Variants in EIF2AK1 observed in about 807,000 individuals in gnomAD.
The protein encoded by EIF2AK1 is eukaryotic translation initiation factor 2 alpha kinase 1.
In EIF2AK1, 54 loss-of-function variants were observed where a neutral mutation model predicts 77.9. That is an observed-to-expected ratio of 0.69 (90% CI 0.56 to 0.87). EIF2AK1 has a LOEUF of 0.87. Among genes scored for constraint, EIF2AK1 ranks in the 40% least tolerant of loss-of-function variants. The pLI is 0.00. For synonymous variants in EIF2AK1, 314 were observed against 290.5 expected, an observed-to-expected ratio of 1.08 and a Z score of -0.82; for missense variants, 810 against 768.6, an observed-to-expected ratio of 1.05 and a Z score of -0.64.
At chr7:6,047,859 G>C (rs1013221181) in intron 4 of EIF2AK1, 1 of 152,260 alleles carries the variant, frequency 6.6e-6, no homozygotes, top group African/African-American at 2.4e-5. Context: ...AGGCAACCTG[G>C]TGGTCCCTTG....
chr7:6,048,780 A>C, intron 4 of EIF2AK1, 27 bp downstream of exon 4: 5 of 1,542,408 alleles, frequency 3.2e-6, no homozygotes, highest in Non-Finnish European at 4.4e-6. Context: ...AATAGTCTGC[A>C]TAATCAAGAA....
intron 8 of EIF2AK1, 34 bp downstream of exon 8, chr7:6,042,899 A>G: frequency 1.3e-6 from 2 of 1,579,286 alleles, no homozygotes; most frequent in African/African-American, 1.3e-5. Flanking sequence ...TGCAGGTGAC[A>G]AGAGGTAATG....
intron 11 of EIF2AK1, among the ~76,000 whole-genome samples, chr7:6,029,835 T>G (rs1244686909): frequency 6.6e-6 from 1 of 151,476 alleles, no homozygotes; most frequent in African/African-American, 2.4e-5. Context: ...ATACAAAAAT[T>G]AGCCAGGTGT....
At chr7:6,030,471 C>T (rs375623856) in intron 11 of EIF2AK1, among the ~76,000 whole-genome samples, 5 of 152,220 alleles carry the variant, frequency 3.3e-5, no homozygotes, top group East Asian at 1.9e-4. Context: ...TGGGTTTGGA[C>T]GGGTGAGCAT....
intron 4 of EIF2AK1, among the ~76,000 whole-genome samples, chr7:6,048,288 G>A (rs936874419): frequency 6.6e-6 from 1 of 152,002 alleles, no homozygotes; most frequent in Non-Finnish European, 1.5e-5. Flanking sequence ...ACGTCTCTAT[G>A]GATTCACCTA....
intron 2 of EIF2AK1, among the ~76,000 whole-genome samples, chr7:6,050,507 T>C (rs1788578603): frequency 6.6e-6 from 1 of 152,080 alleles, no homozygotes; most frequent in South Asian, 2.1e-4. Context: ...TAGATAAATT[T>C]TTTTAAAAAG....
chr7:6,044,340 G>A (rs765811227), intron 7 of EIF2AK1, among the ~76,000 whole-genome samples: 11 of 147,260 alleles, frequency 7.5e-5, no homozygotes, highest in African/African-American at 2.0e-4. Context: ...CCGTGGTGGC[G>A]GGCACCTGTA....
intron 7 of EIF2AK1, among the ~76,000 whole-genome samples, chr7:6,043,380 C>G (rs1166734000): frequency 6.6e-6 from 1 of 151,838 alleles, no homozygotes; most frequent in African/African-American, 2.4e-5. Context: ...TGTTTAAGAA[C>G]AGCATGCACA....
Position 6,040,634 on chromosome 7 carries a change from C to T in EIF2AK1, c.1119+258G>A, listed in dbSNP as rs776042574. Among the ~76,000 whole-genome samples, 7 of 152,128 alleles carry T rather than the reference C, an allele frequency of 4.6e-5. 1 individual carries two copies. On this transcript the variant is annotated intron_variant, in intron 9 of 14. Coordinates refer to ENST00000199389, the MANE Select transcript of EIF2AK1 (RefSeq NM_014413.4). ...ACAAACAGAGTGTGAGTGAGGCCGC[C>T]AACTCTAGGGTACACACTCAAGATG...
chr7:6,042,895 T>A, intron 8 of EIF2AK1, 38 bp downstream of exon 8: 1 of 1,566,074 alleles, frequency 6.4e-7, no homozygotes, highest in South Asian at 1.1e-5. Context: ...CCAATGCAGG[T>A]GACAAGAGGT....
At chr7:6,049,586 A>G (rs1273972668) in intron 3 of EIF2AK1, among the ~76,000 whole-genome samples, 1 of 151,806 alleles carries the variant, frequency 6.6e-6, no homozygotes, top group Admixed American at 6.6e-5. Flanking sequence ...AATTGTCTCA[A>G]GATCCCAGTC....
At chr7:6,052,487 C>T (rs539598948) in intron 2 of EIF2AK1, among the ~76,000 whole-genome samples, 2 of 150,376 alleles carry the variant, frequency 1.3e-5, no homozygotes, top group East Asian at 3.9e-4. Flanking sequence ...TTTTTCATGT[C>T]CCATCAAGTT....
intron 8 of EIF2AK1, among the ~76,000 whole-genome samples, chr7:6,041,839 TAAA>T (rs35008838): frequency 2.3e-5 from 3 of 130,804 alleles, no homozygotes; most frequent in Non-Finnish European, 3.2e-5. Flanking sequence ...AGACTCCATC[TAAA>T]AAAAAAAAAA....
intron 1 of EIF2AK1, among the ~76,000 whole-genome samples, chr7:6,056,611 A>AAAAAAAAAAATAT (rs1788773483): frequency 3.2e-5 from 1 of 31,160 alleles, no homozygotes; most frequent in African/African-American, 1.2e-4. Flanking sequence ...AAAAAAAAAA[A>AAAAAAAAAAATAT]AAATATATAT....
rs538961730 is a variant in EIF2AK1 at position 6,028,902 on chromosome 7, A to G, written c.1447+16T>C. ...TTTGCTTATGCAAAGAAAACAAAAC[A>G]AAACCAAAAACTTACTCTTCCCGTT... is the stretch of plus-strand genomic sequence containing the variant. On this transcript the variant is annotated intron_variant, in intron 12 of 14. Coordinates refer to ENST00000199389, the MANE Select transcript of EIF2AK1 (RefSeq NM_014413.4). 1.3e-6 allele frequency: 2 copies of G among 1,590,264 alleles called. No homozygotes were observed. The highest frequency in any genetic ancestry group is 1.7e-6 in the Non-Finnish European group (2 of 1,172,006).
At chr7:6,048,577 A>G (rs1008697075) in intron 4 of EIF2AK1, among the ~76,000 whole-genome samples, 1 of 152,172 alleles carries the variant, frequency 6.6e-6, no homozygotes, top group Non-Finnish European at 1.5e-5. Context: ...CAGGAATCTG[A>G]ATTAACAGTG....
intron 1 of EIF2AK1, among the ~76,000 whole-genome samples, chr7:6,057,792 C>A (rs1364015699): frequency 6.6e-6 from 1 of 152,024 alleles, no homozygotes; most frequent in African/African-American, 2.4e-5. Flanking sequence ...CCACCACGCC[C>A]AGCTAATTTG....
chr7:6,029,131 C>G (rs914578617), intron 11 of EIF2AK1, 99 bp from the exon 12 acceptor site: 2 of 1,005,556 alleles, frequency 2.0e-6, no homozygotes, highest in African/African-American at 3.3e-5. Context: ...GAGCAAGCAG[C>G]CCCTCAAAAG....
intron 6 of EIF2AK1, among the ~76,000 whole-genome samples, chr7:6,044,917 C>G (rs1044826052): frequency 4.6e-5 from 7 of 151,944 alleles, no homozygotes; most frequent in African/African-American, 1.7e-4. Context: ...TGTAAGTGTT[C>G]GAAGCACATT....
Sources: gnomAD v4.1 joint callset for allele counts (sites outside exome capture counted in the v4.1 genomes callset) on GRCh38, gnomAD v4.1.1 for gene constraint, MANE v1.5 for transcripts, NCBI Gene and HGNC (gene_info 2026-07-23, HGNC 2026-07-21) for gene names.